SLC4A5: variants seen among roughly 807,000 people sequenced by gnomAD.
The protein encoded by SLC4A5 is electrogenic sodium bicarbonate cotransporter 4.
SLC4A5 carries 96 observed loss-of-function variants against 120.4 expected under a neutral mutation model. The ratio of observed to expected loss-of-function variants is 0.80; its 90% confidence interval spans 0.68 to 0.94. SLC4A5 has a LOEUF of 0.94. SLC4A5 is among the 40% of genes least tolerant of loss of function. The probability of loss-of-function intolerance (pLI) is 0.00; values close to 1 mark genes in which losing one functional copy is unlikely to be tolerated. For missense variants in SLC4A5, 1,259 were observed against 1,459.5 expected (o/e 0.86, Z 2.24); for synonymous variants, 550 against 571.1 (o/e 0.96, Z 0.53).
intron 2 of SLC4A5, among the ~76,000 whole-genome samples, chr2:74,339,914 C>A (rs577693735): frequency 6.6e-6 from 1 of 152,170 alleles, no homozygotes; most frequent in Non-Finnish European, 1.5e-5. Flanking sequence ...AAGGACATCA[C>A]GCTAAGTGAA....
At chr2:74,303,138 T>G (rs1672528088) in intron 7 of SLC4A5, among the ~76,000 whole-genome samples, 1 of 151,278 alleles carries the variant, frequency 6.6e-6, no homozygotes, top group Non-Finnish European at 1.5e-5. Context: ...GTGTGTGTGT[T>G]GTATTTTAAC....
chr2:74,326,843 A>G (rs988242739), intron 5 of SLC4A5, among the ~76,000 whole-genome samples: 4 of 152,172 alleles, frequency 2.6e-5, no homozygotes, highest in Admixed American at 2.6e-4. Flanking sequence ...ACCAAGGATC[A>G]GAGTGCTATC....
At chr2:74,343,334 A>G (rs931148215) in intron 1 of SLC4A5, 22 bp downstream of exon 1, 7 of 152,118 alleles carry the variant, frequency 4.6e-5, no homozygotes, top group African/African-American at 1.7e-4. Context: ...AACTTTATTT[A>G]TGTAAAATCC....
intron 5 of SLC4A5, among the ~76,000 whole-genome samples, chr2:74,327,012 T>A (rs1033000038): frequency 6.6e-6 from 1 of 152,210 alleles, no homozygotes. Flanking sequence ...ACCCCTTCCC[T>A]ATCCACAAGG....
At chr2:74,307,241 C>A in intron 6 of SLC4A5, 1 of 520,648 alleles carries the variant, frequency 1.9e-6, no homozygotes. Flanking sequence ...TCTTCTGAGG[C>A]AGCTAATCAT....
chr2:74,240,006 TATATATAAATTTATTTATATATAC>T (rs1170217345), intron 20 of SLC4A5, among the ~76,000 whole-genome samples: 6 of 149,158 alleles, frequency 4.0e-5, no homozygotes, highest in Non-Finnish European at 8.9e-5. Context: ...AGTGAATTTT[TATATATAAATTTATTTATATATAC>T]ATATATAAAT....
intron 5 of SLC4A5, among the ~76,000 whole-genome samples, chr2:74,316,795 T>C (rs1672978916): frequency 6.6e-6 from 1 of 152,204 alleles, no homozygotes; most frequent in Admixed American, 6.5e-5. Flanking sequence ...CCATAAGCCA[T>C]AACTATAGCT....
chr2:74,241,649 G>T (rs1478758319), intron 20 of SLC4A5, among the ~76,000 whole-genome samples: 1 of 151,334 alleles, frequency 6.6e-6, no homozygotes, highest in African/African-American at 2.4e-5. Context: ...GGCTGTGGCA[G>T]GAGAATTGCT....
chr2:74,256,488 C>T (rs1210804168), intron 12 of SLC4A5, among the ~76,000 whole-genome samples: 2 of 152,224 alleles, frequency 1.3e-5, no homozygotes, highest in Non-Finnish European at 2.9e-5. Context: ...CACATTACCC[C>T]CAGGGGACCT....
chr2:74,274,925 G>A (rs1214415339), intron 8 of SLC4A5, among the ~76,000 whole-genome samples: 1 of 152,182 alleles, frequency 6.6e-6, no homozygotes, highest in East Asian at 1.9e-4. Flanking sequence ...ATAGACTTAG[G>A]ATGATCTTTC....
chr2:74,254,070 C>A (rs965592653), intron 14 of SLC4A5, among the ~76,000 whole-genome samples: 2 of 152,182 alleles, frequency 1.3e-5, no homozygotes, highest in South Asian at 2.1e-4. Flanking sequence ...GCCGCAAGCA[C>A]CGCCAGTGAG....
At chr2:74,254,803 C>T (rs1273876383) in intron 13 of SLC4A5, 97 bp from the exon 14 acceptor site, 1 of 913,924 alleles carries the variant, frequency 1.1e-6, no homozygotes, top group Non-Finnish European at 1.7e-6. Context: ...ATTCTCTGGC[C>T]CTGAACAGTA....
rs373174158 is a variant in SLC4A5 at position 74,282,984 on chromosome 2, T to C, written c.401+2789A>G. Reference sequence around the variant, plus strand: ...AGACATAATAACCCAGGGTGGGTCCTGGTCATTTGAAATGTCCCCCTTCCC... The same window carrying C: ...AGACATAATAACCCAGGGTGGGTCCCGGTCATTTGAAATGTCCCCCTTCCC... On this transcript the variant is annotated intron_variant, in intron 8 of 30. Coordinates refer to ENST00000394019, the Ensembl canonical transcript of SLC4A5. Among the ~76,000 whole-genome samples, 63 of 152,324 alleles carry C rather than the reference T, an allele frequency of 4.1e-4. 1 individual carries two copies. The South Asian group carries it at 0.012, about 30-fold the overall frequency.
chr2:74,235,000 T>C (rs1175891331), intron 22 of SLC4A5, 101 bp downstream of exon 22: 6 of 939,356 alleles, frequency 6.4e-6, no homozygotes, highest in Admixed American at 2.4e-5. Flanking sequence ...AAATGGTCTC[T>C]TGGCCAAGAG....
intron 27 of SLC4A5, 110 bp from the exon 28 acceptor site, chr2:74,225,105 C>A (rs561084407): frequency 5.8e-4 from 599 of 1,030,488 alleles, no homozygotes; most frequent in Non-Finnish European, 7.9e-4. Flanking sequence ...AGTTCAGGGA[C>A]TTTTTGTGGT....
intron 7 of SLC4A5, chr2:74,290,124 C>G (rs2191309): frequency 1.0e-6 from 1 of 984,922 alleles, no homozygotes; most frequent in Non-Finnish European, 1.2e-6. Flanking sequence ...CTGCCATTCC[C>G]TAAGTCTGGA....
At chr2:74,254,508 G>A in intron 14 of SLC4A5, 111 bp downstream of exon 14, 3 of 811,318 alleles carry the variant, frequency 3.7e-6, no homozygotes, top group Non-Finnish European at 6.4e-6. Flanking sequence ...GTAGTGCCTG[G>A]TACACAGTAG....
chr2:74,302,946 C>T (rs1672517865), intron 7 of SLC4A5, among the ~76,000 whole-genome samples: 3 of 152,076 alleles, frequency 2.0e-5, no homozygotes, highest in South Asian at 2.1e-4. Flanking sequence ...AGAACCCACA[C>T]GGGGGCAAGA....
At chr2:74,229,031 G>A (rs1694958595) in intron 25 of SLC4A5, among the ~76,000 whole-genome samples, 1 of 148,454 alleles carries the variant, frequency 6.7e-6, no homozygotes, top group Non-Finnish European at 1.5e-5. Context: ...GGAGAGCACA[G>A]AGCACTATGC....
Sources: allele counts gnomAD v4.1 joint callset (sites outside exome capture counted in the v4.1 genomes callset), GRCh38; gene constraint gnomAD v4.1.1; transcripts MANE v1.5; gene names NCBI Gene and HGNC (gene_info 2026-07-23, HGNC 2026-07-21).